The following LRP1B variants were observed in gnomAD, a reference collection of about 807,000 sequenced individuals.
LRP1B encodes the protein LDL receptor related protein 1B, also known as low-density lipoprotein receptor-related protein 1B.
A neutral mutation model predicts 556.6 loss-of-function variants in LRP1B; 217 were observed. The ratio of observed to expected loss-of-function variants is 0.39; its 90% CI spans 0.35 to 0.44. LRP1B has a LOEUF of 0.44. Ranked by LOEUF, LRP1B falls within the 20% of genes least tolerant of loss-of-function variation. LRP1B has a pLI of 1.00. For synonymous variants in LRP1B, 2,047 were observed against 1,865.8 expected (o/e 1.10, Z -2.50); for missense variants, 5,053 against 5,620.8 (o/e 0.90, Z 3.23).
intron 41 of LRP1B, among the ~76,000 whole-genome samples, chr2:140,648,309 G>A (rs918353418): frequency 2.0e-5 from 3 of 151,904 alleles, no homozygotes; most frequent in Non-Finnish European, 4.4e-5. Context: ...GAGTGGGGAG[G>A]GATAGCATTA....
At chr2:142,073,104 T>G (rs1321825699) in intron 1 of LRP1B, among the ~76,000 whole-genome samples, 2 of 152,016 alleles carry the variant, frequency 1.3e-5, no homozygotes, top group African/African-American at 4.8e-5. Flanking sequence ...TTACAATTAA[T>G]TTACTATTTC....
chr2:140,602,711 TA>T (rs1682719793), intron 41 of LRP1B, among the ~76,000 whole-genome samples: 1 of 144,086 alleles, frequency 6.9e-6, no homozygotes, highest in Non-Finnish European at 1.5e-5. Context: ...AAACAATAAT[TA>T]AAGTTTTTGA....
chr2:140,680,731 C>T (rs76476404), intron 41 of LRP1B, among the ~76,000 whole-genome samples: 7,388 of 152,236 alleles, frequency 0.049, 273 homozygotes, highest in South Asian at 0.097. Context: ...CCACATATCT[C>T]TAGGTGTCAA....
At chr2:140,568,717 C>T (rs62171877) in intron 43 of LRP1B, among the ~76,000 whole-genome samples, 66,121 of 151,848 alleles carry the variant, frequency 0.44, 14,666 homozygotes, top group Middle Eastern at 0.59. Flanking sequence ...AGACAGAATG[C>T]TACAAACTGA....
chr2:140,759,742 T>G lies in LRP1B; in HGVS notation c.5758+9471A>C, dbSNP rs530577067. Reference sequence around the variant, plus strand: ...TCAGTCTAAGCATAGTTAACACCAGTAAACATTCAGCGCGCCTTGGTGACA... The same window carrying G: ...TCAGTCTAAGCATAGTTAACACCAGGAAACATTCAGCGCGCCTTGGTGACA... On this transcript the variant is annotated intron_variant, in intron 35 of 90. Coordinates refer to ENST00000389484, the MANE Select transcript of LRP1B (RefSeq NM_018557.3). Among the ~76,000 whole-genome samples the G allele has an allele frequency of 2.0e-5, 3 of 152,158 alleles. No homozygotes were observed. The South Asian group carries it at 6.2e-4, about 31-fold the overall frequency.
At chr2:140,363,685 G>GT (rs149180353) in intron 72 of LRP1B, among the ~76,000 whole-genome samples, 5,633 of 150,650 alleles carry the variant, frequency 0.037, 117 homozygotes, top group South Asian at 0.066. Context: ...TCCAAAACCT[G>GT]TTTTTTTTCA....
At chr2:141,562,364 C>T (rs1225168169) in intron 2 of LRP1B, among the ~76,000 whole-genome samples, 5 of 152,048 alleles carry the variant, frequency 3.3e-5, no homozygotes, top group Admixed American at 2.6e-4. Context: ...TAGCTATCCA[C>T]TTATCTAAAA....
At chr2:142,097,273 C>G (rs552340453) in intron 1 of LRP1B, among the ~76,000 whole-genome samples, 2 of 151,592 alleles carry the variant, frequency 1.3e-5, no homozygotes, top group African/African-American at 2.4e-5. Context: ...CCTTGTAAAG[C>G]CTTTCTTTCT....
intron 41 of LRP1B, chr2:140,683,835 C>T (rs1685950328): frequency 3.1e-6 from 2 of 645,598 alleles, no homozygotes; most frequent in South Asian, 1.7e-5. Context: ...CGCTAGGCAG[C>T]AGCCGACCCC....
chr2:140,367,475 G>A (rs1036026513), intron 71 of LRP1B, among the ~76,000 whole-genome samples: 11 of 151,594 alleles, frequency 7.3e-5, no homozygotes, highest in East Asian at 1.9e-4. Flanking sequence ...GTGAGACTCC[G>A]ACAATTGAAC....
intron 7 of LRP1B, among the ~76,000 whole-genome samples, chr2:141,113,526 G>T (rs1488699887): frequency 3.3e-5 from 5 of 151,878 alleles, no homozygotes; most frequent in Admixed American, 3.3e-4. Flanking sequence ...TAGTTTTAAT[G>T]GTCTAGCATT....
intron 18 of LRP1B, among the ~76,000 whole-genome samples, chr2:140,956,111 C>T (rs1695864799): frequency 6.6e-6 from 1 of 151,610 alleles, no homozygotes; most frequent in African/African-American, 2.4e-5. Flanking sequence ...CAATAATAAA[C>T]ACATTACCTA....
chr2:140,684,091 CAGAG>C, intron 41 of LRP1B, among the ~76,000 whole-genome samples: 1 of 152,230 alleles, frequency 6.6e-6, no homozygotes, highest in East Asian at 1.9e-4. Context: ...GAGGATAAAT[CAGAG>C]AGTGAGAAAA....
At chr2:141,753,558 C>A (rs375234723) in intron 2 of LRP1B, among the ~76,000 whole-genome samples, 1 of 151,872 alleles carries the variant, frequency 6.6e-6, no homozygotes, top group Non-Finnish European at 1.5e-5. Flanking sequence ...TTTCTTTGTA[C>A]GAATGGAATG....
intron 1 of LRP1B, among the ~76,000 whole-genome samples, chr2:142,110,785 A>G (rs1019668978): frequency 4.6e-5 from 7 of 152,152 alleles, no homozygotes; most frequent in African/African-American, 1.7e-4. Flanking sequence ...TCAGGAGTTC[A>G]TCTTATATTT....
At chr2:141,184,166 G>C (rs1618785) in intron 7 of LRP1B, among the ~76,000 whole-genome samples, 1 of 151,928 alleles carries the variant, frequency 6.6e-6, no homozygotes. Context: ...AACTACAATA[G>C]AATTTTATTC....
At chr2:141,372,572 T>C (rs1158795840) in intron 3 of LRP1B, among the ~76,000 whole-genome samples, 9 of 152,042 alleles carry the variant, frequency 5.9e-5, no homozygotes, top group Non-Finnish European at 8.8e-5. Flanking sequence ...CCACTACTCA[T>C]TATTGATCTG....
At chr2:141,561,849 A>G (rs887758208) in intron 2 of LRP1B, among the ~76,000 whole-genome samples, 1 of 151,614 alleles carries the variant, frequency 6.6e-6, no homozygotes, top group Non-Finnish European at 1.5e-5. Context: ...CAATCTATAT[A>G]CTGTAAGTCT....
At chr2:142,018,178 C>T (rs1703214468) in intron 1 of LRP1B, among the ~76,000 whole-genome samples, 1 of 152,116 alleles carries the variant, frequency 6.6e-6, no homozygotes, top group Non-Finnish European at 1.5e-5. Context: ...AATTGTTTGT[C>T]ACTTTCTCTG....
Sources: gnomAD v4.1 joint callset for allele counts (sites outside exome capture counted in the v4.1 genomes callset) on GRCh38, gnomAD v4.1.1 for gene constraint, MANE v1.5 for transcripts, NCBI Gene and HGNC (gene_info 2026-07-23, HGNC 2026-07-21) for gene names.